Variants in KLRG2 observed in about 807,000 individuals in gnomAD.
The protein encoded by KLRG2 is killer cell lectin like receptor G2, also known as killer cell lectin-like receptor subfamily G member 2.
KLRG2 carries 39 observed loss-of-function variants against 35.4 expected under a neutral mutation model. The ratio of observed to expected loss-of-function variants is 1.10; its 90% confidence interval spans 0.85 to 1.44. The LOEUF is 1.44. KLRG2 is among the 40% of genes most tolerant of loss of function. KLRG2 has a pLI of 0.00. For synonymous variants in KLRG2, 283 were observed against 265.8 expected, an observed-to-expected ratio of 1.06 and a Z score of -0.63; for missense variants, 632 against 570.9, an observed-to-expected ratio of 1.11 and a Z score of -1.09.
chr7:139,462,634 T>A (rs1009401675), intron 3 of KLRG2, among the ~76,000 whole-genome samples: 1 of 152,186 alleles, frequency 6.6e-6, no homozygotes, highest in Non-Finnish European at 1.5e-5. Flanking sequence ...TTGACCCCAA[T>A]GCAAACTTGA....
the KLRG2 span, among the ~76,000 whole-genome samples, chr7:139,445,795 G>GTATATATATATATATATATACATATA: frequency 1.1e-4 from 10 of 92,102 alleles, no homozygotes; most frequent in African/African-American, 6.1e-4. Flanking sequence ...ATATATATGT[G>GTATATATATATATATATATACATATA]TGTATATATA....
chr7:139,483,432 G>T lies in KLRG2; in HGVS notation c.211C>A (p.Pro71Thr). The change falls in exon 1 of 5, where the codon CCT (proline) becomes ACT (threonine). Residue 71 changes from proline (P) to threonine (T), a missense_variant. Physicochemically the swap from Pro to Thr is conservative, Grantham distance 38. Coordinates refer to ENST00000340940, the MANE Select transcript of KLRG2 (RefSeq NM_198508.4). ...CGCGGGGACCCGGGGCGAGGCGAAG[G>T]CGGCTTTTTCTTGCTCGAGGGCTCC... is the stretch of plus-strand genomic sequence containing the variant. ...GLEPSSKKKP[P>T]SPRPGSPRVP... 6.4e-7 allele frequency: 1 copy of T among 1,568,806 alleles called. No homozygotes were observed.
intron 3 of KLRG2, among the ~76,000 whole-genome samples, chr7:139,459,428 C>T (rs935672287): frequency 6.6e-6 from 1 of 152,252 alleles, no homozygotes; most frequent in African/African-American, 2.4e-5. Context: ...CTGGCCCTAA[C>T]TCTAGGCACT....
At chr7:139,480,065 T>G in intron 2 of KLRG2, 81 bp downstream of exon 2, 1 of 969,458 alleles carries the variant, frequency 1.0e-6, no homozygotes, top group Admixed American at 1.8e-5. Context: ...TTTCTAATTC[T>G]AAGGTGTTTT....
chr7:139,446,194 GC>G, the KLRG2 span, among the ~76,000 whole-genome samples: 5 of 151,928 alleles, frequency 3.3e-5, no homozygotes, highest in Non-Finnish European at 7.4e-5. Flanking sequence ...AAACTTAGAG[GC>G]TCAAAACAAT....
chr7:139,473,043 A>G (rs1796787856), intron 3 of KLRG2, among the ~76,000 whole-genome samples: 1 of 152,240 alleles, frequency 6.6e-6, no homozygotes. Context: ...GTACTTTGGG[A>G]GGCCGAGGTG....
intron 3 of KLRG2, among the ~76,000 whole-genome samples, chr7:139,479,238 A>G (rs777386831): frequency 6.6e-6 from 1 of 151,986 alleles, no homozygotes; most frequent in African/African-American, 2.4e-5. Flanking sequence ...GCCCGCCACC[A>G]TGTCCGGCTA....
At chr7:139,440,275 AT>A in the KLRG2 span, among the ~76,000 whole-genome samples, 5,068 of 130,016 alleles carry the variant, frequency 0.039, 61 homozygotes, top group South Asian at 0.073. Context: ...ACACCTGGCT[AT>A]TTTTTTTTTT....
the KLRG2 span, among the ~76,000 whole-genome samples, chr7:139,428,690 CTGAT>C: frequency 1.4e-4 from 22 of 152,222 alleles, 1 homozygote; most frequent in African/African-American, 3.1e-4. Flanking sequence ...GGCTTGAACT[CTGAT>C]TGGATCTTTG....
the KLRG2 span, among the ~76,000 whole-genome samples, chr7:139,433,397 C>T: frequency 1.3e-5 from 2 of 152,192 alleles, no homozygotes; most frequent in African/African-American, 4.8e-5. Flanking sequence ...ACAATCTTGG[C>T]TCACCACAAC....
At chr7:139,430,607 T>C in the KLRG2 span, among the ~76,000 whole-genome samples, 2 of 152,214 alleles carry the variant, frequency 1.3e-5, no homozygotes, top group East Asian at 3.9e-4. Flanking sequence ...GACCCAGCAA[T>C]CCTCCTACGT....
chr7:139,477,979 C>T lies in KLRG2; in HGVS notation c.1005+1648G>A, dbSNP rs187100475. Among the ~76,000 whole-genome samples the T allele has an allele frequency of 8.5e-3, 1,295 of 151,782 alleles. 17 individuals are homozygous for T. The highest frequency in any genetic ancestry group is 0.029 in the African/African-American group (1,183 of 41,492). On this transcript the variant is annotated intron_variant, in intron 3 of 4. Transcript: ENST00000340940. ...TTCACCGTGTTAGCCAAGATGGTCTCGATCTCCTGACCTTGTGATCCACCC... is the reference window on the plus strand; with the variant it reads ...TTCACCGTGTTAGCCAAGATGGTCTTGATCTCCTGACCTTGTGATCCACCC...
chr7:139,463,499 C>T (rs941754743), intron 3 of KLRG2, among the ~76,000 whole-genome samples: 5 of 152,190 alleles, frequency 3.3e-5, no homozygotes, highest in South Asian at 2.1e-4. Context: ...ATGCCTAAGC[C>T]GCGCACACCT....
intron 3 of KLRG2, among the ~76,000 whole-genome samples, chr7:139,466,622 C>T (rs1796657447): frequency 6.6e-6 from 1 of 152,150 alleles, no homozygotes; most frequent in Non-Finnish European, 1.5e-5. Context: ...ATCTCCACCA[C>T]ACTATCAATC....
chr7:139,479,546 A>G (rs1019406310), intron 3 of KLRG2, 81 bp downstream of exon 3: 6 of 1,382,494 alleles, frequency 4.3e-6, no homozygotes, highest in East Asian at 2.3e-5. Flanking sequence ...GCTGGACTCA[A>G]TCATTAAGCT....
chr7:139,434,558 A>G, the KLRG2 span, among the ~76,000 whole-genome samples: 1 of 152,220 alleles, frequency 6.6e-6, no homozygotes, highest in East Asian at 1.9e-4. Flanking sequence ...CTTGCTACTC[A>G]AGAGTTTCCA....
chr7:139,458,189 G>A (rs1399603267), intron 3 of KLRG2, among the ~76,000 whole-genome samples: 1 of 151,996 alleles, frequency 6.6e-6, no homozygotes, highest in African/African-American at 2.4e-5. Context: ...ACCAGCCTGG[G>A]TAACATAGTG....
chr7:139,482,793 C>T, intron 1 of KLRG2, 93 bp downstream of exon 1: 1 of 1,196,308 alleles, frequency 8.4e-7, no homozygotes, highest in Non-Finnish European at 1.1e-6. Context: ...AGTCGGTCAG[C>T]TGCCCAGCGG....
the KLRG2 span, among the ~76,000 whole-genome samples, chr7:139,429,690 G>A: frequency 5.3e-5 from 8 of 152,136 alleles, no homozygotes; most frequent in Non-Finnish European, 8.8e-5. Context: ...AGGGTTGGGG[G>A]TAAGGTCACA....
Sources: allele counts gnomAD v4.1 joint callset (sites outside exome capture counted in the v4.1 genomes callset), GRCh38; gene constraint gnomAD v4.1.1; transcripts MANE v1.5; gene names NCBI Gene and HGNC (gene_info 2026-07-23, HGNC 2026-07-21).